The following CHST11 variants were observed in gnomAD, a reference collection of about 807,000 sequenced individuals.
The protein encoded by CHST11 is C4S-1.
CHST11 carries 9 observed loss-of-function variants against 30.4 expected under a neutral mutation model. The ratio of observed to expected loss-of-function variants is 0.30; its 90% CI spans 0.18 to 0.52. CHST11 has a LOEUF of 0.52. Among genes scored for constraint, CHST11 ranks in the 20% least tolerant of loss-of-function variants. CHST11 has a pLI of 0.97. For synonymous variants in CHST11, 152 were observed against 187.8 expected, an observed-to-expected ratio of 0.81 and a Z score of 1.56; for missense variants, 348 against 460.6, an observed-to-expected ratio of 0.76 and a Z score of 2.24.
chr12:104,641,088 G>A (rs1263350130), intron 2 of CHST11, among the ~76,000 whole-genome samples: 1 of 152,110 alleles, frequency 6.6e-6, no homozygotes, highest in Non-Finnish European at 1.5e-5. Flanking sequence ...GAGTCCAATC[G>A]GGGACCACTG....
At chr12:104,691,701 G>C (rs1566039952) in intron 2 of CHST11, among the ~76,000 whole-genome samples, 1 of 152,056 alleles carries the variant, frequency 6.6e-6, no homozygotes, top group Non-Finnish European at 1.5e-5. Flanking sequence ...TGTTGGCCAG[G>C]ATGGTCTCGA....
intron 2 of CHST11, among the ~76,000 whole-genome samples, chr12:104,643,371 C>T (rs2039396305): frequency 6.6e-6 from 1 of 152,122 alleles, no homozygotes; most frequent in African/African-American, 2.4e-5. Context: ...TGTTGTTGCT[C>T]CTCACCACCC....
At chr12:104,644,112 AAG>A (rs2039404203) in intron 2 of CHST11, among the ~76,000 whole-genome samples, 1 of 151,974 alleles carries the variant, frequency 6.6e-6, no homozygotes, top group Non-Finnish European at 1.5e-5. Flanking sequence ...GCTTCCTCTG[AAG>A]AGAGGGACTT....
At chr12:104,562,147 G>T (rs930384433) in intron 1 of CHST11, among the ~76,000 whole-genome samples, 1 of 152,082 alleles carries the variant, frequency 6.6e-6, no homozygotes, top group East Asian at 1.9e-4. Flanking sequence ...GCTCTGGTTG[G>T]TGTTGTTCCT....
intron 1 of CHST11, among the ~76,000 whole-genome samples, chr12:104,587,095 T>C (rs1010764212): frequency 6.6e-6 from 1 of 152,242 alleles, no homozygotes; most frequent in Non-Finnish European, 1.5e-5. Context: ...TGCCAATTCC[T>C]ATCAGTTATC....
chr12:104,495,141 A>G (rs1204502018), intron 1 of CHST11, among the ~76,000 whole-genome samples: 3 of 152,182 alleles, frequency 2.0e-5, no homozygotes, highest in Non-Finnish European at 2.9e-5. Flanking sequence ...ATGTTGTAGC[A>G]TGTGACAGGA....
chr12:104,464,755 G>A (rs1177823214), intron 1 of CHST11, among the ~76,000 whole-genome samples: 4 of 152,108 alleles, frequency 2.6e-5, no homozygotes, highest in South Asian at 2.1e-4. Flanking sequence ...TGGGAAATTC[G>A]TAATATCTTC....
At position 104,588,010 on chromosome 12, in the gene CHST11, T is replaced by G. The variant is rs370492336; in HGVS notation, c.119-13896T>G. Among the ~76,000 whole-genome samples, 12 of 152,062 alleles carry G rather than the reference T, an allele frequency of 7.9e-5. No homozygotes were observed. In the East Asian group the frequency reaches 9.6e-4, roughly 12 times the overall value. ...CATATTGTATTGCAATGTAGATCTA[T>G]TCAAAGAGGCCAAAATCTTGAAAAT... is the stretch of plus-strand genomic sequence containing the variant. On this transcript the variant is annotated intron_variant, in intron 1 of 2. Coordinates refer to ENST00000303694, the MANE Select transcript of CHST11 (RefSeq NM_018413.6).
chr12:104,734,357 A>C (rs140630802), intron 2 of CHST11, among the ~76,000 whole-genome samples: 1 of 152,352 alleles, frequency 6.6e-6, no homozygotes, highest in Non-Finnish European at 1.5e-5. Flanking sequence ...CTCCTGAAGG[A>C]CCAGCAGTTC....
At chr12:104,470,931 C>T (rs546962777) in intron 1 of CHST11, among the ~76,000 whole-genome samples, 102 of 152,354 alleles carry the variant, frequency 6.7e-4, no homozygotes, top group African/African-American at 2.4e-3. Context: ...GCTGTAAACT[C>T]TGTAAGTGGG....
intron 1 of CHST11, among the ~76,000 whole-genome samples, chr12:104,587,772 T>G (rs1330233283): frequency 3.3e-5 from 5 of 150,956 alleles, no homozygotes; most frequent in East Asian, 3.9e-4. Context: ...TTTATTTATT[T>G]ATTTATTTAT....
intron 2 of CHST11, among the ~76,000 whole-genome samples, chr12:104,681,979 C>T (rs376515524): frequency 2.6e-5 from 4 of 151,702 alleles, no homozygotes; most frequent in African/African-American, 7.3e-5. Context: ...TACAGGCACC[C>T]GCCACCACAC....
At chr12:104,533,275 C>A (rs1398408765) in intron 1 of CHST11, among the ~76,000 whole-genome samples, 1 of 152,152 alleles carries the variant, frequency 6.6e-6, no homozygotes, top group Non-Finnish European at 1.5e-5. Flanking sequence ...AGCCAGGGAG[C>A]CCTGGGTTGG....
Position 104,457,139 on chromosome 12 carries a change from G to T in CHST11, c.-273G>T. 3.6e-6 allele frequency: 1 copy of T among 275,120 alleles called. No homozygotes were observed. The highest frequency in any genetic ancestry group is 1.4e-4 in the South Asian group (1 of 6,924). The allele number at this position is 275,120 out of a possible 1,614,324, so 17.0% of individuals were successfully genotyped here. On this transcript the variant is annotated 5_prime_UTR_variant, in exon 1 of 3. Coordinates refer to ENST00000303694, the MANE Select transcript of CHST11 (RefSeq NM_018413.6). The stretch of plus-strand genomic sequence containing the variant: ...GCAGCGGCGGCCGCCGGCGGGATCG[G>T]AGGAGGCGGCGGAGCGGCGAGGAGG...
chr12:104,678,956 G>A (rs80202848), intron 2 of CHST11, among the ~76,000 whole-genome samples: 100 of 152,154 alleles, frequency 6.6e-4, no homozygotes, highest in African/African-American at 2.3e-3. Flanking sequence ...AATTTCTCCC[G>A]CTCTAGCTCA....
intron 2 of CHST11, among the ~76,000 whole-genome samples, chr12:104,718,348 C>T (rs577450839): frequency 1.3e-5 from 2 of 152,292 alleles, no homozygotes; most frequent in South Asian, 4.1e-4. Context: ...TCCTACTTCT[C>T]TACCATTCAC....
At chr12:104,695,446 AGTGTGT>A (rs67943103) in intron 2 of CHST11, among the ~76,000 whole-genome samples, 13,100 of 149,410 alleles carry the variant, frequency 0.088, 669 homozygotes, top group East Asian at 0.22. Context: ...CAACACAATG[AGTGTGT>A]GTGTGTGTGT....
chr12:104,488,196 G>A (rs1321619515), intron 1 of CHST11, among the ~76,000 whole-genome samples: 1 of 152,130 alleles, frequency 6.6e-6, no homozygotes, highest in East Asian at 1.9e-4. Context: ...CTGAGAATTG[G>A]CTTTGCACAT....
rs574390600 is a variant in CHST11 at position 104,557,951 on chromosome 12, G to C, written c.119-43955G>C. The stretch of plus-strand genomic sequence containing the variant: ...CAGGAAAGCAGGGGATGCATTTCAG[G>C]GGTGGGGACAACCTGTACAGAGGCC... On this transcript the variant is annotated intron_variant, in intron 1 of 2. Coordinates refer to ENST00000303694, the MANE Select transcript of CHST11 (RefSeq NM_018413.6). 3.3e-5 allele frequency among the ~76,000 whole-genome samples: 5 copies of C among 151,762 alleles called. No individual in the cohort carries two copies. The East Asian group carries it at 8.0e-4, about 24-fold the overall frequency.
Sources: gnomAD v4.1 joint callset for allele counts (sites outside exome capture counted in the v4.1 genomes callset) on GRCh38, gnomAD v4.1.1 for gene constraint, MANE v1.5 for transcripts, NCBI Gene and HGNC (gene_info 2026-07-23, HGNC 2026-07-21) for gene names.